Variants in CREB3L1 observed in about 807,000 individuals in gnomAD.
CREB3L1 encodes the protein cyclic AMP-responsive element-binding protein 3-like protein 1.
In CREB3L1, 33 loss-of-function variants were observed where a neutral mutation model predicts 54.5. That is an observed-to-expected ratio of 0.61 (90% CI 0.46 to 0.81). CREB3L1 has a LOEUF of 0.81. CREB3L1 is among the 30% of genes least tolerant of loss of function. The pLI is 0.00. For missense variants in CREB3L1, 656 were observed against 673.3 expected (o/e 0.97, Z 0.29); for synonymous variants, 284 against 286.4 (o/e 0.99, Z 0.08).
intron 1 of CREB3L1, among the ~76,000 whole-genome samples, chr11:46,281,096 T>G (rs755198383): frequency 1.1e-4 from 16 of 152,190 alleles, no homozygotes; most frequent in Non-Finnish European, 2.1e-4. Flanking sequence ...TTATTTTTCT[T>G]TCTATGAGGA....
chr11:46,283,585 T>TA (rs1035542303), intron 1 of CREB3L1, among the ~76,000 whole-genome samples: 6 of 151,988 alleles, frequency 3.9e-5, no homozygotes, highest in African/African-American at 1.4e-4. Context: ...AAAATTGTTT[T>TA]AAAAAAATCC....
chr11:46,320,364 C>A lies in CREB3L1; in HGVS notation c.1359C>A (p.Ile453=). 6.2e-7 allele frequency: 1 copy of A among 1,611,328 alleles called. No individual in the cohort carries two copies. The highest frequency in any genetic ancestry group is 1.7e-5 in the Admixed American group (1 of 59,602). Residue 453 remains isoleucine (I), a synonymous_variant, in exon 11 of 12, where the codon ATC becomes ATA. Coordinates refer to ENST00000621158, the MANE Select transcript of CREB3L1 (RefSeq NM_052854.4). ...LPMEPPDGWE[I]NPGGPAEQRP... is the part of the protein sequence containing the mutation. ...TGGAGCCCCCAGATGGCTGGGAAATCAACCCCGGGGGGCCGGCAGAGCAGC... is the reference window on the plus strand; with the variant it reads ...TGGAGCCCCCAGATGGCTGGGAAATAAACCCCGGGGGGCCGGCAGAGCAGC...
chr11:46,289,361 AGAGT>A (rs1211953182), intron 1 of CREB3L1, among the ~76,000 whole-genome samples: 13 of 152,222 alleles, frequency 8.5e-5, no homozygotes, highest in Non-Finnish European at 2.9e-5. Flanking sequence ...CCTGGGCAAC[AGAGT>A]GAGACCCCAT....
At chr11:46,284,577 C>A (rs1180494369) in intron 1 of CREB3L1, among the ~76,000 whole-genome samples, 8 of 152,030 alleles carry the variant, frequency 5.3e-5, no homozygotes, top group Non-Finnish European at 1.2e-4. Context: ...TCGCTTGAAC[C>A]CAGGAGGTGG....
rs756326730 is a variant in CREB3L1, at chr11:46,278,144, C to T, written c.33C>T (p.Asp11=). 4.5e-6 allele frequency: 7 copies of T among 1,568,266 alleles called. No homozygotes were observed. Among genetic ancestry groups the T allele is most frequent in the Non-Finnish European group, 5.2e-6 (6 of 1,156,590 alleles). MDAVLEPFPA[D]RLFPGSSFLD... ...CCGTCTTGGAACCCTTCCCGGCCGA[C>T]AGGCTGTTCCCCGGATCCAGCTTCC... Residue 11 remains aspartate (D), a synonymous_variant, in exon 1 of 12, where the codon GAC becomes GAT. Coordinates refer to ENST00000621158, the MANE Select transcript of CREB3L1 (RefSeq NM_052854.4). This position sits in a 1 kb window ranked among gnomAD's most constrained non-coding sequence, Gnocchi z 4.2.
At chr11:46,317,086 G>A (rs565580965) in intron 9 of CREB3L1, among the ~76,000 whole-genome samples, 38 of 152,220 alleles carry the variant, frequency 2.5e-4, no homozygotes, top group Admixed American at 1.5e-3. Flanking sequence ...CCTCTACCCC[G>A]TAAGGGGACT....
At position 46,312,685 on chromosome 11, in the gene CREB3L1, A is replaced by C; in HGVS notation, c.962+15A>C. On this transcript the variant is annotated intron_variant, in intron 7 of 11. Transcript: ENST00000621158. ...CTAGAAAAGAAGTAAGGGGCTTGGG[A>C]GGGGTGGGCAATCCACTCCCTTGCC... 7.0e-7 allele frequency: 1 copy of C among 1,429,672 alleles called. No homozygotes were observed. Among genetic ancestry groups the C allele is most frequent in the Non-Finnish European group, 9.8e-7 (1 of 1,018,414 alleles). The allele number at this position is 1,429,672 out of a possible 1,614,324, so 88.6% of individuals were successfully genotyped here.
Position 46,316,281 on chromosome 11 carries a change from C to T in CREB3L1, c.1032-5C>T, listed in dbSNP as rs1168207304. 2 of 1,553,168 alleles carry T rather than the reference C, an allele frequency of 1.3e-6. No homozygotes were observed. Among genetic ancestry groups the T allele is most frequent in the East Asian group, 4.8e-5 (2 of 41,274 alleles). On this transcript the variant is annotated splice_region_variant and splice_polypyrimidine_tract_variant and intron_variant, in intron 8 of 11. Coordinates refer to ENST00000621158, the MANE Select transcript of CREB3L1 (RefSeq NM_052854.4). Reference sequence around the variant, plus strand: ...CCTGCCAGCTGACTGCTGTGCCCTCCTCAGGACCCTGCTCCAGCAGCTGCA... The same window carrying T: ...CCTGCCAGCTGACTGCTGTGCCCTCTTCAGGACCCTGCTCCAGCAGCTGCA...
chr11:46,320,276 G>A lies in CREB3L1; in HGVS notation c.1271G>A (p.Ser424Asn). Residue 424 changes from serine to asparagine, a missense_variant, in exon 11 of 12, where the codon AGC becomes AAC. Physicochemically the swap from Ser to Asn is conservative, Grantham distance 46 (BLOSUM62 1). This residue lies in a region of CREB3L1 where 240 missense variants were observed against 219.8 expected (regional missense o/e 1.09). Transcript: ENST00000621158. ...ACTCCCTCTCCAGTGCCCTCCCGAA[G>A]CCTCCTATTCTACGATGACGGGGCA... Reference protein sequence around the residue: ...VYTASQMPSRSLLFYDDGAGL... With the variant: ...VYTASQMPSRNLLFYDDGAGL... 1.9e-6 allele frequency: 3 copies of A among 1,605,952 alleles called. No homozygotes were observed. The highest frequency in any genetic ancestry group is 2.6e-6 in the Non-Finnish European group (3 of 1,175,874).
rs1228929762 is a variant in CREB3L1 at position 46,299,994 on chromosome 11, G to A, written c.162G>A (p.Leu54=). ...ACATGGAGGACTTCTCCAATGACCT[G>A]TTCAGCAGCTTCTTTGATGACCCTG... ...TENMEDFSND[L]FSSFFDDPVL... is the part of the protein sequence containing the mutation. Residue 54 remains leucine (L), a synonymous_variant, in exon 2 of 12, where the codon CTG becomes CTA. Transcript: ENST00000621158. 3.1e-6 allele frequency: 5 copies of A among 1,613,990 alleles called. No homozygotes were observed. Among genetic ancestry groups the A allele is most frequent in the Non-Finnish European group, 4.2e-6 (5 of 1,179,876 alleles).
intron 1 of CREB3L1, among the ~76,000 whole-genome samples, chr11:46,293,995 G>C (rs1018457913): frequency 2.0e-5 from 3 of 152,142 alleles, no homozygotes; most frequent in Non-Finnish European, 4.4e-5. Context: ...GTGTGATAGC[G>C]CCTGTACAAG....
Position 46,278,789 on chromosome 11 carries a change from T to G in CREB3L1, c.102+576T>G, listed in dbSNP as rs1169540516. Among the ~76,000 whole-genome samples the G allele has an allele frequency of 6.6e-6, 1 of 152,132 alleles. No homozygotes were observed. The highest frequency in any genetic ancestry group is 1.5e-5 in the Non-Finnish European group (1 of 67,996). ...CTGGGAAGAGGCGGTCAGGGCAACA[T>G]AGGGTGATGGCTCAGGAGGAGGGAG... On this transcript the variant is annotated intron_variant, in intron 1 of 11. Transcript: ENST00000621158. This position sits in a 1 kb window ranked among gnomAD's most constrained non-coding sequence, Gnocchi z 4.2.
intron 2 of CREB3L1, among the ~76,000 whole-genome samples, chr11:46,301,825 C>T (rs952433002): frequency 3.3e-5 from 5 of 151,988 alleles, no homozygotes; most frequent in Non-Finnish European, 5.9e-5. Flanking sequence ...GTGGTGGGCA[C>T]CTGTAATCCC....
chr11:46,313,790 G>A (rs1445249419), intron 8 of CREB3L1, among the ~76,000 whole-genome samples: 1 of 152,222 alleles, frequency 6.6e-6, no homozygotes, highest in Non-Finnish European at 1.5e-5. Flanking sequence ...AGAAACAGGA[G>A]TATAGAGACA....
At position 46,281,283 on chromosome 11, in the gene CREB3L1, T is replaced by C. The variant is rs78788490; in HGVS notation, c.102+3070T>C. Among the ~76,000 whole-genome samples the C allele has an allele frequency of 2.0e-5, 3 of 152,236 alleles. No homozygotes were observed. In the East Asian group the frequency reaches 5.8e-4, roughly 29 times the overall value. ...TGGTCCTTCAGCCCCTTGGCCAGTA[T>C]GAGAGAGAGGGTCTGGGCTCCAAGA... On this transcript the variant is annotated intron_variant, in intron 1 of 11. Coordinates refer to ENST00000621158, the MANE Select transcript of CREB3L1 (RefSeq NM_052854.4).
chr11:46,306,592 C>A (rs546502220), intron 2 of CREB3L1, among the ~76,000 whole-genome samples: 1 of 152,208 alleles, frequency 6.6e-6, no homozygotes, highest in African/African-American at 2.4e-5. Flanking sequence ...TCTGAACTAA[C>A]CCAGCCTCCA....
intron 5 of CREB3L1, among the ~76,000 whole-genome samples, chr11:46,311,671 T>G (rs953558785): frequency 2.0e-5 from 3 of 152,174 alleles, no homozygotes; most frequent in African/African-American, 7.2e-5. Context: ...CTAATTTATG[T>G]ACTTTTAGTA....
rs781568350 is a variant in CREB3L1 at position 46,309,996 on chromosome 11, G to A, written c.524G>A (p.Gly175Glu). 1 of 1,600,658 alleles carries A rather than the reference G, an allele frequency of 6.2e-7. No homozygotes were observed. Among genetic ancestry groups the A allele is most frequent in the Non-Finnish European group, 8.5e-7 (1 of 1,174,116 alleles). The change falls in exon 4 of 12, where the codon GGA becomes GAA. Residue 175 changes from glycine to glutamate, a missense_variant. Gly to Glu is a moderately conservative substitution (Grantham distance 98). This residue lies in a region of CREB3L1 where 339 missense variants were observed against 331.5 expected (regional missense o/e 1.02). Coordinates refer to ENST00000621158, the MANE Select transcript of CREB3L1 (RefSeq NM_052854.4). The part of the protein sequence containing the change: ...SRLPIPHQAP[G>E]EMTQLPVIKA... ...GGCTTGTCTGTTCCTCAGGCCCCGG[G>A]AGAGATGACTCAGCTGCCAGTGATC... is the stretch of plus-strand genomic sequence containing the variant.
chr11:46,316,948 C>T (rs1398053529), intron 9 of CREB3L1, among the ~76,000 whole-genome samples: 3 of 152,134 alleles, frequency 2.0e-5, no homozygotes, highest in Non-Finnish European at 2.9e-5. Context: ...GTGTGGGCTC[C>T]GTGGCTCTCA....
Sources: gnomAD v4.1 joint callset for allele counts (sites outside exome capture counted in the v4.1 genomes callset) on GRCh38, gnomAD v4.1.1 for gene constraint, gnomAD v4.1.1 regional missense constraint, Gnocchi (gnomAD v3.1) non-coding constraint, MANE v1.5 for transcripts, NCBI Gene and HGNC (gene_info 2026-07-23, HGNC 2026-07-21) for gene names.